ATRN: variants seen among roughly 807,000 people sequenced by gnomAD.
ATRN encodes the protein attractin-2.
ATRN carries 54 observed loss-of-function variants against 178.7 expected under a neutral mutation model. The ratio of observed to expected loss-of-function variants is 0.30; its 90% CI spans 0.24 to 0.38. The LOEUF (loss-of-function observed/expected upper bound fraction) is 0.38. Ranked by LOEUF, ATRN falls within the 10% of genes least tolerant of loss-of-function variation. The pLI, the probability that ATRN is intolerant of heterozygous loss-of-function variation, is 1.00. For missense variants in ATRN, 1,443 were observed against 1,815.1 expected (o/e 0.79, Z 3.73); for synonymous variants, 636 against 663.0 (o/e 0.96, Z 0.63).
chr20:3,544,190 T>G (rs1029649164), intron 3 of ATRN, among the ~76,000 whole-genome samples: 1 of 152,200 alleles, frequency 6.6e-6, no homozygotes, highest in Admixed American at 6.5e-5. Flanking sequence ...TCCATTGTTT[T>G]GCAGCTTGCT....
intron 25 of ATRN, among the ~76,000 whole-genome samples, chr20:3,625,273 CT>C (rs1256319554): frequency 6.6e-6 from 1 of 152,186 alleles, no homozygotes; most frequent in Non-Finnish European, 1.5e-5. Flanking sequence ...ATGGCCTCCC[CT>C]AGCATCTCCC....
rs2085692252 is a variant in ATRN, at chr20:3,545,795, G to A, written c.642G>A (p.Glu214=). 6.2e-7 allele frequency: 1 copy of A among 1,614,068 alleles called. No homozygotes were observed. The highest frequency in any genetic ancestry group is 1.3e-5 in the African/African-American group (1 of 75,046). The part of the protein sequence containing the change: ...GLIVPERDGN[E]TVPEVVATSG... ...TTGTTCCTGAGAGAGATGGCAATGA[G>A]ACTGTCCCTGAGGTTGTTGCCACAT... The change falls in exon 4 of 29, where the codon GAG becomes GAA. Residue 214 remains glutamate, a synonymous_variant. Transcript: ENST00000262919.
At chr20:3,560,578 A>T in intron 7 of ATRN, 84 bp from the exon 8 acceptor site, 1 of 1,197,836 alleles carries the variant, frequency 8.3e-7, no homozygotes, top group Non-Finnish European at 1.2e-6. Context: ...TAAGCTGAGA[A>T]TAATATTGAG....
At chr20:3,573,613 C>A (rs1428188975) in intron 12 of ATRN, among the ~76,000 whole-genome samples, 3 of 152,110 alleles carry the variant, frequency 2.0e-5, no homozygotes, top group Admixed American at 1.3e-4. Context: ...GGGCGATGAT[C>A]CCTGCTTCTA....
At chr20:3,610,280 A>G (rs1296259605) in intron 24 of ATRN, among the ~76,000 whole-genome samples, 2 of 152,234 alleles carry the variant, frequency 1.3e-5, no homozygotes, top group Non-Finnish European at 2.9e-5. Flanking sequence ...AACCTACCCA[A>G]TGTTAAGGCT....
intron 23 of ATRN, among the ~76,000 whole-genome samples, chr20:3,602,904 A>G (rs1206348698): frequency 7.2e-6 from 1 of 139,378 alleles, no homozygotes; most frequent in Admixed American, 7.7e-5. Context: ...CGGAGGTTGC[A>G]GTGACCCAAG....
In ATRN at chr20:3,647,612, C is replaced by G. The variant is rs529984078; in HGVS notation, c.*765C>G. ...ACCCTCCCTCTCTCACACATACACA[C>G]ACAAACACATACACACAACACTAAG... On this transcript the variant is annotated 3_prime_UTR_variant, in exon 29 of 29. Coordinates refer to ENST00000262919, the MANE Select transcript of ATRN (RefSeq NM_139321.3). The G allele has an allele frequency of 6.6e-6, 1 of 152,310 alleles. No individual in the cohort carries two copies. Among genetic ancestry groups the G allele is most frequent in the Non-Finnish European group, 1.5e-5 (1 of 68,036 alleles). 9.4% of individuals were successfully genotyped at this position (152,310 alleles called of 1,614,324 possible). A position where few individuals can be genotyped will look rare whatever the true frequency, so the allele number is the denominator to read the frequency against.
chr20:3,476,468 T>G (rs1346469071), intron 1 of ATRN, among the ~76,000 whole-genome samples: 2 of 152,230 alleles, frequency 1.3e-5, no homozygotes, highest in African/African-American at 2.4e-5. Context: ...GAAAATAGAT[T>G]TTTACAATAG....
intron 9 of ATRN, 72 bp from the exon 10 acceptor site, chr20:3,563,137 T>G: frequency 7.4e-7 from 1 of 1,358,012 alleles, no homozygotes. Flanking sequence ...GTGGTTGTGC[T>G]TGCATTAGCA....
intron 24 of ATRN, among the ~76,000 whole-genome samples, chr20:3,610,567 A>ATT (rs35770410): frequency 0.037 from 3,432 of 93,532 alleles, 146 homozygotes; most frequent in African/African-American, 0.042. Flanking sequence ...TTCCAGCTGA[A>ATT]TTTTTTTTTT....
chr20:3,547,136 C>A (rs1471260682), intron 4 of ATRN, 148 bp from the exon 5 acceptor site: 2 of 672,098 alleles, frequency 3.0e-6, no homozygotes, highest in African/African-American at 3.6e-5. Context: ...GTTGAGCAAA[C>A]CCATTTGGAC....
At chr20:3,578,251 T>C (rs1045214575) in intron 14 of ATRN, among the ~76,000 whole-genome samples, 1 of 152,230 alleles carries the variant, frequency 6.6e-6, no homozygotes, top group Non-Finnish European at 1.5e-5. Flanking sequence ...TTGTCTGCTC[T>C]TCACTTAGGA....
Position 3,584,659 on chromosome 20 carries a change from C to T in ATRN, c.2963C>T (p.Ser988Leu). 1 of 1,604,788 alleles carries T rather than the reference C, an allele frequency of 6.2e-7. No homozygotes were observed. The highest frequency in any genetic ancestry group is 1.1e-5 in the South Asian group (1 of 89,278). ...TMSTCPPENC[S>L]GYCTCSHCLE... ...TTTTTTTTAATAGCTGAAAATTGTT[C>T]AGGCTACTGTACCTGTAGTCATTGC... Residue 988 changes from serine to leucine, a missense_variant, in exon 18 of 29, where the codon TCA (serine) becomes TTA (leucine). By Grantham distance (145) the Ser-to-Leu change is moderately radical. Transcript: ENST00000262919.
chr20:3,560,528 A>G (rs2146220421), intron 7 of ATRN, 134 bp from the exon 8 acceptor site: 2 of 724,376 alleles, frequency 2.8e-6, no homozygotes, highest in East Asian at 2.7e-5. Flanking sequence ...TTGTTGGATC[A>G]TAGGGTAGTT....
At chr20:3,644,996 C>T (rs1385616959) in intron 28 of ATRN, among the ~76,000 whole-genome samples, 1 of 152,212 alleles carries the variant, frequency 6.6e-6, no homozygotes, top group East Asian at 1.9e-4. Flanking sequence ...ATGCATGTGA[C>T]ACTTCTCCAT....
chr20:3,487,551 C>A (rs975931149), intron 1 of ATRN, among the ~76,000 whole-genome samples: 8 of 152,062 alleles, frequency 5.3e-5, no homozygotes, highest in African/African-American at 1.7e-4. Flanking sequence ...TTTATAGGGT[C>A]TAATGCTGTT....
intron 17 of ATRN, 126 bp from the exon 18 acceptor site, chr20:3,584,521 T>C: frequency 1.4e-6 from 1 of 733,000 alleles, no homozygotes; most frequent in South Asian, 1.9e-5. Context: ...CATTATCTCT[T>C]TTAAATAATC....
intron 15 of ATRN, among the ~76,000 whole-genome samples, chr20:3,581,684 A>T (rs1396317844): frequency 6.6e-6 from 1 of 152,198 alleles, no homozygotes; most frequent in Non-Finnish European, 1.5e-5. Flanking sequence ...CAGATTAGGG[A>T]TACTCAGCCT....
chr20:3,532,602 C>T (rs1252292309), intron 1 of ATRN, among the ~76,000 whole-genome samples: 6 of 152,000 alleles, frequency 3.9e-5, no homozygotes. Context: ...GTTTGGGTTA[C>T]AACTTGATTA....
Sources: allele counts gnomAD v4.1 joint callset (sites outside exome capture counted in the v4.1 genomes callset), GRCh38; gene constraint gnomAD v4.1.1; transcripts MANE v1.5; gene names NCBI Gene and HGNC (gene_info 2026-07-23, HGNC 2026-07-21).